The following MYO16 variants were observed in gnomAD, a reference collection of about 807,000 sequenced individuals.
MYO16 encodes unconventional myosin-XVI.
In MYO16, 94 loss-of-function variants were observed where a neutral mutation model predicts 205.3. That is an observed-to-expected ratio of 0.46 (90% CI 0.39 to 0.54). The LOEUF (loss-of-function observed/expected upper bound fraction) is 0.54, where lower values mean the gene tolerates loss of function less well. MYO16 is among the 20% of genes least tolerant of loss of function. The pLI, the probability that MYO16 is intolerant of heterozygous loss-of-function variation, is 0.00. For synonymous variants in MYO16, 988 were observed against 954.0 expected (o/e 1.04, Z -0.66); for missense variants, 2,315 against 2,387.5 (o/e 0.97, Z 0.63).
intron 3 of MYO16, among the ~76,000 whole-genome samples, chr13:108,726,804 T>C (rs1884356755): frequency 6.6e-6 from 1 of 152,106 alleles, no homozygotes; most frequent in Non-Finnish European, 1.5e-5. Context: ...TAAAGTTAAG[T>C]TGCTGGATGG....
intron 4 of MYO16, among the ~76,000 whole-genome samples, chr13:108,751,447 TA>T (rs1177783551): frequency 1.3e-5 from 2 of 152,130 alleles, no homozygotes; most frequent in African/African-American, 4.8e-5. Flanking sequence ...AATCCATAAA[TA>T]ATATAAAGAA....
At chr13:109,111,253 AG>A (rs1889272604) in intron 28 of MYO16, among the ~76,000 whole-genome samples, 1 of 152,190 alleles carries the variant, frequency 6.6e-6, no homozygotes, top group Non-Finnish European at 1.5e-5. Context: ...AAAATAGAAC[AG>A]GGTTGTGAAG....
Position 109,076,384 on chromosome 13 carries a change from TAAACTTCCCTC to T in MYO16, c.3335+20790_3335+20800del, listed in dbSNP as rs1192637550. 4.6e-5 allele frequency among the ~76,000 whole-genome samples: 7 copies of T among 152,266 alleles called. No homozygotes were observed. The East Asian group carries it at 1.4e-3, about 29-fold the overall frequency. On this transcript the variant is annotated intron_variant, in intron 27 of 34. Coordinates refer to ENST00000457511, the MANE Select transcript of MYO16 (RefSeq NM_001198950.3). Reference sequence around the variant, plus strand: ...TTTCTTCTAATATAAACATTTAATGTAAACTTCCCTCTGTTTGTTGAAACAACACAGAGTTG... The same window carrying T: ...TTTCTTCTAATATAAACATTTAATGTTGTTTGTTGAAACAACACAGAGTTG...
chr13:108,849,681 G>T (rs1292014557), intron 10 of MYO16, among the ~76,000 whole-genome samples: 1 of 135,702 alleles, frequency 7.4e-6, no homozygotes, highest in African/African-American at 2.8e-5. Context: ...TATCCATACT[G>T]GGTTATTTGT....
At chr13:108,638,005 A>G (rs1315698312) in intron 1 of MYO16, among the ~76,000 whole-genome samples, 4 of 152,196 alleles carry the variant, frequency 2.6e-5, no homozygotes, top group African/African-American at 9.7e-5. Flanking sequence ...AGAACTTTTG[A>G]TGGCATCAAC....
In MYO16 at chr13:109,125,033, T is replaced by A. The variant is rs1367145401; in HGVS notation, c.3536-79T>A. On this transcript the variant is annotated intron_variant, in intron 29 of 34. Transcript: ENST00000457511. The surrounding 1 kb of genome is among the most constrained non-coding windows in gnomAD (Gnocchi z 4.0). ...TATTCTACAACTGCTCAGAGATAAG[T>A]ATATTATGATTTTTGTTTGTGCATG... is the stretch of plus-strand genomic sequence containing the variant. The A allele has an allele frequency of 2.1e-5, 30 of 1,436,686 alleles. No homozygotes were observed. The South Asian group carries it at 3.7e-4, about 18-fold the overall frequency. 89.0% of individuals were successfully genotyped at this position (1,436,686 alleles called of 1,614,324 possible).
At chr13:108,821,082 G>A (rs940622212) in intron 8 of MYO16, among the ~76,000 whole-genome samples, 1 of 151,924 alleles carries the variant, frequency 6.6e-6, no homozygotes, top group Admixed American at 6.6e-5. Flanking sequence ...GAATAACAAA[G>A]AGAAAAATCT....
chr13:108,873,685 C>T (rs1319174272), intron 12 of MYO16, among the ~76,000 whole-genome samples: 1 of 128,168 alleles, frequency 7.8e-6, no homozygotes, highest in South Asian at 3.2e-4. Flanking sequence ...CCATGCCAAC[C>T]AACAGGACAG....
At chr13:108,973,686 G>A (rs901587480) in intron 20 of MYO16, among the ~76,000 whole-genome samples, 7 of 152,232 alleles carry the variant, frequency 4.6e-5, no homozygotes, top group South Asian at 2.1e-4. Context: ...ACATCCAGTA[G>A]GATGTAAATT....
chr13:108,583,108 C>A, the MYO16 span, among the ~76,000 whole-genome samples: 5 of 152,080 alleles, frequency 3.3e-5, no homozygotes, highest in African/African-American at 1.2e-4. Context: ...ACATCGTGTG[C>A]ATTTTGGCTG....
chr13:108,646,681 G>C (rs935819068), intron 1 of MYO16, among the ~76,000 whole-genome samples: 1 of 152,050 alleles, frequency 6.6e-6, no homozygotes, highest in African/African-American at 2.4e-5. Flanking sequence ...TTAGATATAG[G>C]TATATTTAGG....
At chr13:109,120,618 G>T (rs1422957739) in intron 29 of MYO16, 152 bp downstream of exon 29, 1 of 559,140 alleles carries the variant, frequency 1.8e-6, no homozygotes, top group Non-Finnish European at 3.1e-6. Context: ...AATAGTTTTT[G>T]GGTGTTTAGG....
the MYO16 span, among the ~76,000 whole-genome samples, chr13:108,588,359 G>C: frequency 6.6e-6 from 1 of 152,178 alleles, no homozygotes; most frequent in Admixed American, 6.5e-5. Context: ...CCAAGGACCT[G>C]CATCATTACT....
chr13:108,625,590 T>G (rs1459055734), upstream of MYO16, among the ~76,000 whole-genome samples: 1 of 152,182 alleles, frequency 6.6e-6, no homozygotes, highest in Non-Finnish European at 1.5e-5. Flanking sequence ...TAAATTTAGC[T>G]GTCAGCCATT....
At chr13:108,521,310 G>A in the MYO16 span, among the ~76,000 whole-genome samples, 1 of 152,214 alleles carries the variant, frequency 6.6e-6, no homozygotes, top group Non-Finnish European at 1.5e-5. Flanking sequence ...AAGGGTGCCT[G>A]AAAGACAGAT....
At chr13:108,739,970 A>G (rs368908491) in intron 4 of MYO16, among the ~76,000 whole-genome samples, 2 of 152,262 alleles carry the variant, frequency 1.3e-5, no homozygotes, top group East Asian at 3.9e-4. Context: ...TTCTCGTGCC[A>G]TGGTTTTCAG....
the MYO16 span, among the ~76,000 whole-genome samples, chr13:108,566,948 A>G: frequency 2.6e-5 from 4 of 152,160 alleles, no homozygotes; most frequent in Admixed American, 2.0e-4. Flanking sequence ...AGCATAATGA[A>G]TGTGGAGTAC....
At chr13:108,983,508 C>A (rs753928761) in intron 20 of MYO16, among the ~76,000 whole-genome samples, 1 of 152,166 alleles carries the variant, frequency 6.6e-6, no homozygotes, top group Non-Finnish European at 1.5e-5. Context: ...TAAAGAGTAG[C>A]CAGGTTTGGT....
At chr13:108,717,479 A>T (rs1883989755) in intron 3 of MYO16, among the ~76,000 whole-genome samples, 1 of 151,824 alleles carries the variant, frequency 6.6e-6, no homozygotes, top group Admixed American at 6.6e-5. Flanking sequence ...AAATACAAAA[A>T]ATTAGCCGGG....
Sources: gnomAD v4.1 joint callset for allele counts (sites outside exome capture counted in the v4.1 genomes callset) on GRCh38, gnomAD v4.1.1 for gene constraint, Gnocchi (gnomAD v3.1) non-coding constraint, MANE v1.5 for transcripts, NCBI Gene and HGNC (gene_info 2026-07-23, HGNC 2026-07-21) for gene names.